The following ZNF747 variants were observed in gnomAD, a reference collection of about 807,000 sequenced individuals.
The protein encoded by ZNF747 is KRAB domain-containing protein ZNF747.
Under a neutral mutation model 13.4 loss-of-function variants are expected in ZNF747, and 14 were observed. The ratio of observed to expected loss-of-function variants is 1.04; its 90% CI spans 0.69 to 1.63. ZNF747 has a LOEUF of 1.63. Ranked by LOEUF, ZNF747 falls within the 40% of genes most tolerant of loss-of-function variation. The probability of loss-of-function intolerance (pLI) is 0.00; values close to 1 mark genes in which losing one functional copy is unlikely to be tolerated. For synonymous variants in ZNF747, 212 were observed against 206.5 expected (o/e 1.03, Z -0.23); for missense variants, 532 against 477.9 (o/e 1.11, Z -1.05).
chr16:30,533,108 C>G lies in ZNF747; in HGVS notation c.387G>C (p.Thr129=). 1 of 1,612,526 alleles carries G rather than the reference C, an allele frequency of 6.2e-7. No homozygotes were observed. Among genetic ancestry groups the G allele is most frequent in the South Asian group, 1.1e-5 (1 of 91,016 alleles). ...NKEEERQREG[T]GALEKPDPVA... The stretch of plus-strand genomic sequence containing the variant: ...CAGGGTCGGGCTTCTCCAGGGCTCC[C>G]GTCCCTTCCCTTTGTCTTTCCTCTT... Residue 129 remains threonine (T), a synonymous_variant, in exon 3 of 3, where the codon ACG becomes ACC. Coordinates refer to ENST00000693075, the MANE Select transcript of ZNF747 (RefSeq NM_001305018.2).
Position 30,534,542 on chromosome 16 carries a change from G to C in ZNF747, c.138C>G (p.Phe46Leu), listed in dbSNP as rs762715683. 3.1e-6 allele frequency: 5 copies of C among 1,608,974 alleles called. No homozygotes were observed. In the South Asian group the frequency reaches 5.5e-5, roughly 18 times the overall value. Residue 46 changes from phenylalanine to leucine, a missense_variant, in exon 1 of 3, where the codon TTC becomes TTG. Phe to Leu is a conservative substitution (Grantham distance 22). Transcript: ENST00000693075. Reference protein sequence around the residue: ...AVSFADVAVYFSREEWGCLRP... With the variant: ...AVSFADVAVYLSREEWGCLRP... ...GCAGGCAGCCCCACTCCTCCCGGGA[G>C]AAGTACACGGCCACGTCGGCGAAGC...
rs768982436 is a variant in ZNF747, at chr16:30,532,716, T to G, written c.779A>C (p.His260Pro). Residue 260 changes from histidine (H) to proline (P), a missense_variant, in exon 3 of 3, where the codon CAC becomes CCC. Transcript: ENST00000693075. ...GCAGCGGTAGGGCTTCTCGCCAGTGTGAACGCGCAGGTGAGAAGTCAGCGC... is the reference window on the plus strand; with the variant it reads ...GCAGCGGTAGGGCTTCTCGCCAGTGGGAACGCGCAGGTGAGAAGTCAGCGC... ...RTALTSHLRV[H>P]TGEKPYRCPQ... is the part of the protein sequence containing the mutation. 1 of 1,539,762 alleles carries G rather than the reference T, an allele frequency of 6.5e-7. No individual in the cohort carries two copies. Among genetic ancestry groups the G allele is most frequent in the East Asian group, 2.4e-5 (1 of 40,916 alleles).
rs1394169832 is a variant in ZNF747 at position 30,531,490 on chromosome 16, G to A, written c.*1009C>T. 1 of 152,216 alleles carries A rather than the reference G, an allele frequency of 6.6e-6. No individual in the cohort carries two copies. Among genetic ancestry groups the A allele is most frequent in the African/African-American group, 2.4e-5 (1 of 41,444 alleles). 9.4% of individuals were successfully genotyped at this position (152,216 alleles called of 1,614,324 possible). On this transcript the variant is annotated 3_prime_UTR_variant, in exon 3 of 3. Transcript: ENST00000693075. ...CAGGGTCACTGGTTTTTTAGGTTGT[G>A]CAGCAAAAAGACAATGAAGGCCAGT...
At chr16:30,534,145 G>A in intron 2 of ZNF747, 52 bp downstream of exon 2, 1 of 1,557,572 alleles carries the variant, frequency 6.4e-7, no homozygotes, top group Non-Finnish European at 8.7e-7. Context: ...AGGGTACCGG[G>A]ATGGGACAGG....
intron 2 of ZNF747, among the ~76,000 whole-genome samples, chr16:30,533,368 A>G (rs1020211127): frequency 1.1e-4 from 16 of 152,184 alleles, no homozygotes; most frequent in African/African-American, 3.9e-4. Context: ...GGGGAAGGGC[A>G]GAGATGACGT....
In ZNF747 at chr16:30,532,539, C is replaced by T; in HGVS notation, c.956G>A (p.Gly319Asp). 1 of 1,605,038 alleles carries T rather than the reference C, an allele frequency of 6.2e-7. No homozygotes were observed. The change falls in exon 3 of 3, where the codon GGC (glycine) becomes GAC (aspartate). Residue 319 changes from glycine to aspartate, a missense_variant. Physicochemically the swap from Gly to Asp is moderately conservative, Grantham distance 94. Transcript: ENST00000693075. ...PVRGDLDPPVGFQLYPEIFQE... is the reference protein window; with the variant it reads ...PVRGDLDPPVDFQLYPEIFQE... ...GAATATCTCTGGATACAGCTGGAAG[C>T]CCACAGGCGGGTCCAGGTCCCCGCG...
At chr16:30,533,202 A>C (rs1237303441) in intron 2 of ZNF747, 51 bp from the exon 3 acceptor site, 2 of 1,610,502 alleles carry the variant, frequency 1.2e-6, no homozygotes, top group Non-Finnish European at 1.7e-6. Context: ...TGGTCATTGA[A>C]TCCCACAGCC....
chr16:30,533,230 G>A, intron 2 of ZNF747, 79 bp from the exon 3 acceptor site: 8 of 1,583,288 alleles, frequency 5.1e-6, no homozygotes, highest in Non-Finnish European at 6.9e-6. Context: ...ACAGGGACAG[G>A]CCTGCTGGAC....
At position 30,534,520 on chromosome 16, in the gene ZNF747, G is replaced by A. The variant is rs2151219761; in HGVS notation, c.160C>T (p.Leu54=). 1.9e-6 allele frequency: 3 copies of A among 1,609,674 alleles called. No individual in the cohort carries two copies. The highest frequency in any genetic ancestry group is 2.2e-5 in the East Asian group (1 of 44,684). ...VYFSREEWGC[L]RPAQRALYRD... The stretch of plus-strand genomic sequence containing the variant: ...TACAGGGCCCTCTGCGCGGGCCGCA[G>A]GCAGCCCCACTCCTCCCGGGAGAAG... The change falls in exon 1 of 3, where the codon CTG becomes TTG. Residue 54 remains leucine, a synonymous_variant. Coordinates refer to ENST00000693075, the MANE Select transcript of ZNF747 (RefSeq NM_001305018.2).
chr16:30,532,542 A>G lies in ZNF747; in HGVS notation c.953T>C (p.Val318Ala). 1 of 1,598,132 alleles carries G rather than the reference A, an allele frequency of 6.3e-7. No individual in the cohort carries two copies. Among genetic ancestry groups the G allele is most frequent in the Non-Finnish European group, 8.5e-7 (1 of 1,173,962 alleles). Residue 318 changes from valine (V) to alanine (A), a missense_variant, in exon 3 of 3, where the codon GTG (valine) becomes GCG (alanine). Transcript: ENST00000693075. ...TATCTCTGGATACAGCTGGAAGCCC[A>G]CAGGCGGGTCCAGGTCCCCGCGGAC... Reference protein sequence around the residue: ...TPVRGDLDPPVGFQLYPEIFQ... With the variant: ...TPVRGDLDPPAGFQLYPEIFQ...
chr16:30,533,291 G>C (rs567364303), intron 2 of ZNF747, 140 bp from the exon 3 acceptor site: 1 of 1,099,404 alleles, frequency 9.1e-7, no homozygotes, highest in Admixed American at 2.5e-5. Flanking sequence ...CTCGGCTGCA[G>C]AGCCAGACAG....
chr16:30,532,984 CA>C lies in ZNF747; in HGVS notation c.510del (p.Phe170LeufsTer56). 1 of 1,604,928 alleles carries C rather than the reference CA, an allele frequency of 6.2e-7. No homozygotes were observed. Among genetic ancestry groups the C allele is most frequent in the Non-Finnish European group, 8.5e-7 (1 of 1,177,748 alleles). Reference protein sequence around the residue: ...KARRRSRPRFFAHPPVPRADQ... With the variant: ...KARRRSRPRFXAHPPVPRADQ... ...TCAGCTCGGGGGACAGGGGGGTGGG[CA>C]AAAAAGCGGGGGCGACTCCGGCGCC... On this transcript the variant is annotated frameshift_variant, in exon 3 of 3. Transcript: ENST00000693075. LOFTEE classifies it low-confidence loss of function (END_TRUNC).
At position 30,534,767 on chromosome 16, in the gene ZNF747, A is replaced by G. The variant is rs2051433540; in HGVS notation, c.-88T>C. 3 of 1,444,750 alleles carry G rather than the reference A, an allele frequency of 2.1e-6. No individual in the cohort carries two copies. The Admixed American group carries it at 8.2e-5, about 40-fold the overall frequency. The allele number at this position is 1,444,750 out of a possible 1,614,324, so 89.5% of individuals were successfully genotyped here. On this transcript the variant is annotated 5_prime_UTR_variant, in exon 1 of 3. Coordinates refer to ENST00000693075, the MANE Select transcript of ZNF747 (RefSeq NM_001305018.2). ...TACCAAGGGAAGGAGGGACGTCAGT[A>G]GAGCCCCCGAAGGCCCACTAGAGGG...
Position 30,534,629 on chromosome 16 carries a change from G to A in ZNF747, c.51C>T (p.Ala17=). 1 of 1,577,496 alleles carries A rather than the reference G, an allele frequency of 6.3e-7. No individual in the cohort carries two copies. Among genetic ancestry groups the A allele is most frequent in the East Asian group, 2.3e-5 (1 of 43,384 alleles). Residue 17 remains alanine, a synonymous_variant, in exon 1 of 3, where the codon GCC becomes GCT. Transcript: ENST00000693075. The stretch of plus-strand genomic sequence containing the variant: ...CGTTTGGGTCCCGGGGAGGGAGCGG[G>A]GCCAGAGGCGGCGCCATGGGGACTG... ...GLTVPMAPPL[A]PLPPRDPNGA...
In ZNF747 at chr16:30,532,619, G is replaced by A. The variant is rs1362854608; in HGVS notation, c.876C>T (p.Gly292=). 2 of 1,546,348 alleles carry A rather than the reference G, an allele frequency of 1.3e-6. No individual in the cohort carries two copies. Among genetic ancestry groups the A allele is most frequent in the Admixed American group, 1.9e-5 (1 of 51,578 alleles). The change falls in exon 3 of 3, where the codon GGC becomes GGT. Residue 292 remains glycine (G), a synonymous_variant. Coordinates refer to ENST00000693075, the MANE Select transcript of ZNF747 (RefSeq NM_001305018.2). ...CAGGGCGCCGGCCCCTACGCCCCTC[G>A]CCCCCGGGCCGATGGACCCATTGGT... ...AKHQWVHRPG[G]EGRRGRRPGG...
chr16:30,534,760 C>A lies in ZNF747; in HGVS notation c.-81G>T. On this transcript the variant is annotated 5_prime_UTR_variant, in exon 1 of 3. Transcript: ENST00000693075. ...GGCCCGGTACCAAGGGAAGGAGGGA[C>A]GTCAGTAGAGCCCCCGAAGGCCCAC... 1 of 1,446,928 alleles carries A rather than the reference C, an allele frequency of 6.9e-7. No homozygotes were observed. Among genetic ancestry groups the A allele is most frequent in the Non-Finnish European group, 9.1e-7 (1 of 1,104,448 alleles). The allele number at this position is 1,446,928 out of a possible 1,614,324, so 89.6% of individuals were successfully genotyped here. A position where few individuals can be genotyped will look rare whatever the true frequency, so the allele number is the denominator to read the frequency against.
Position 30,532,668 on chromosome 16 carries a change from C to G in ZNF747, c.827G>C (p.Gly276Ala). Residue 276 changes from glycine (G) to alanine (A), a missense_variant, in exon 3 of 3, where the codon GGC becomes GCC. By Grantham distance (60) the Gly-to-Ala change is moderately conservative. Coordinates refer to ENST00000693075, the MANE Select transcript of ZNF747 (RefSeq NM_001305018.2). ...GTGCTTGGCCATGCCGGTCTTCAGG[C>G]CGAAGCAGCGGCCACACTGCGGGCA... is the stretch of plus-strand genomic sequence containing the variant. Reference protein sequence around the residue: ...YRCPQCGRCFGLKTGMAKHQW... With the variant: ...YRCPQCGRCFALKTGMAKHQW... 1 of 1,539,110 alleles carries G rather than the reference C, an allele frequency of 6.5e-7. No homozygotes were observed. The highest frequency in any genetic ancestry group is 8.7e-7 in the Non-Finnish European group (1 of 1,146,892).
At position 30,532,340 on chromosome 16, in the gene ZNF747, G is replaced by C; in HGVS notation, c.*159C>G. 1.2e-6 allele frequency: 1 copy of C among 815,326 alleles called. No homozygotes were observed. Among genetic ancestry groups the C allele is most frequent in the South Asian group, 1.7e-5 (1 of 58,030 alleles). The allele number at this position is 815,326 out of a possible 1,614,324, so 50.5% of individuals were successfully genotyped here. A position where few individuals can be genotyped will look rare whatever the true frequency, so the allele number is the denominator to read the frequency against. ...CCAGGGCAGCGGGGAGCAAGGTGCT[G>C]GCAGAAGAGGCTGCTGAGAGCCCAA... On this transcript the variant is annotated 3_prime_UTR_variant, in exon 3 of 3. Transcript: ENST00000693075.
chr16:30,532,619 G>T lies in ZNF747; in HGVS notation c.876C>A (p.Gly292=). 6.5e-7 allele frequency: 1 copy of T among 1,546,348 alleles called. No homozygotes were observed. The change falls in exon 3 of 3, where the codon GGC becomes GGA. Residue 292 remains glycine, a synonymous_variant. Coordinates refer to ENST00000693075, the MANE Select transcript of ZNF747 (RefSeq NM_001305018.2). ...CAGGGCGCCGGCCCCTACGCCCCTC[G>T]CCCCCGGGCCGATGGACCCATTGGT... ...AKHQWVHRPG[G]EGRRGRRPGG... is the part of the protein sequence containing the mutation.
Sources: gnomAD v4.1 joint callset for allele counts (sites outside exome capture counted in the v4.1 genomes callset) on GRCh38, gnomAD v4.1.1 for gene constraint, MANE v1.5 for transcripts, NCBI Gene and HGNC (gene_info 2026-07-23, HGNC 2026-07-21) for gene names.